Variants in PGAP3 observed in about 807,000 individuals in gnomAD.
PGAP3 encodes the protein GPI-specific phospholipase A2-like PGAP3.
In PGAP3, 31 loss-of-function variants were observed where a neutral mutation model predicts 40.3. The ratio of observed to expected loss-of-function variants is 0.77; its 90% CI spans 0.58 to 1.04. PGAP3 has a LOEUF of 1.04. Ranked by LOEUF, PGAP3 falls within the 50% of genes least tolerant of loss-of-function variation. The pLI is 0.00. For synonymous variants in PGAP3, 191 were observed against 184.5 expected (o/e 1.04, Z -0.29); for missense variants, 413 against 423.0 (o/e 0.98, Z 0.21).
intron 2 of PGAP3, among the ~76,000 whole-genome samples, chr17:39,685,220 G>A (rs957344804): frequency 4.0e-5 from 6 of 151,674 alleles, no homozygotes; most frequent in Admixed American, 6.6e-5. Context: ...GCTCACGCCT[G>A]TAATCCCAGC....
intron 2 of PGAP3, 171 bp from the exon 3 acceptor site, chr17:39,684,920 T>C: frequency 5.3e-6 from 4 of 754,924 alleles, no homozygotes; most frequent in Non-Finnish European, 8.2e-6. Context: ...CACCCTCCAG[T>C]GCCTAGTTAA....
rs776488270 is a variant in PGAP3 at position 39,687,878 on chromosome 17, A to C, written c.137T>G (p.Leu46Arg). ...TGGCTGGCGGGAGCGGAAGTGATTC[A>C]GAGCGCCCCCAGAGCAGTTCTGCTC... ...CEEQNCSGGA[L>R]NHFRSRQPIY... The change falls in exon 1 of 8, where the codon CTG becomes CGG. Residue 46 changes from leucine (L) to arginine (R), a missense_variant. Physicochemically the swap from Leu to Arg is moderately radical, Grantham distance 102 (BLOSUM62 -2). Coordinates refer to ENST00000300658, the MANE Select transcript of PGAP3 (RefSeq NM_033419.5). The C allele has an allele frequency of 3.3e-6, 5 of 1,503,934 alleles. No homozygotes were observed. The East Asian group carries it at 1.3e-4, about 40-fold the overall frequency. The allele number at this position is 1,503,934 out of a possible 1,614,324, so 93.2% of individuals were successfully genotyped here.
Position 39,687,815 on chromosome 17 carries a change from C to T in PGAP3, c.181+19G>A, listed in dbSNP as rs367611030. The T allele has an allele frequency of 3.7e-5, 51 of 1,382,040 alleles. No individual in the cohort carries two copies. The highest frequency in any genetic ancestry group is 4.6e-5 in the Non-Finnish European group (48 of 1,050,010). 85.6% of individuals were successfully genotyped at this position (1,382,040 alleles called of 1,614,324 possible). A position where few individuals can be genotyped will look rare whatever the true frequency, so the allele number is the denominator to read the frequency against. On this transcript the variant is annotated intron_variant, in intron 1 of 7. Coordinates refer to ENST00000300658, the MANE Select transcript of PGAP3 (RefSeq NM_033419.5). Reference sequence around the variant, plus strand: ...GAGCAAGACAAATGGGCGGGGCTTACCGTGGGGGTGGGGCTTACCTGCTAG... The same window carrying T: ...GAGCAAGACAAATGGGCGGGGCTTATCGTGGGGGTGGGGCTTACCTGCTAG...
At position 39,673,724 on chromosome 17, in the gene PGAP3, C is replaced by A. The variant is rs1297982702; in HGVS notation, c.558-74G>T. Reference sequence around the variant, plus strand: ...AGCAGCATTCCCTGAAGCATCTCCTCCCCCCAACATTGGTGCATGGCCCCT... The same window carrying A: ...AGCAGCATTCCCTGAAGCATCTCCTACCCCCAACATTGGTGCATGGCCCCT... On this transcript the variant is annotated intron_variant, in intron 5 of 7. Transcript: ENST00000300658. 5 of 1,578,002 alleles carry A rather than the reference C, an allele frequency of 3.2e-6. No individual in the cohort carries two copies. The Admixed American group carries it at 8.5e-5, about 27-fold the overall frequency.
chr17:39,673,463 G>A (rs889080859), intron 6 of PGAP3, 51 bp downstream of exon 6: 12 of 1,609,330 alleles, frequency 7.5e-6, no homozygotes, highest in African/African-American at 2.7e-5. Flanking sequence ...CCTCCCACTC[G>A]CACCCCAAGC....
intron 2 of PGAP3, 75 bp from the exon 3 acceptor site, chr17:39,684,824 T>G: frequency 1.4e-6 from 2 of 1,456,766 alleles, no homozygotes; most frequent in Non-Finnish European, 9.1e-7. Flanking sequence ...ATTCTTGACA[T>G]GCTGAAGCAA....
rs183208638 is a variant in PGAP3 at position 39,672,244 on chromosome 17, G to A, written c.*559C>T. On this transcript the variant is annotated 3_prime_UTR_variant, in exon 8 of 8. Transcript: ENST00000300658. The stretch of plus-strand genomic sequence containing the variant: ...CTCCTGGGAACCTGGCTAGGGCAAT[G>A]GTCAGGGTGAAACTCCTTCCCAATC... 3.0e-3 allele frequency: 467 copies of A among 156,970 alleles called. No homozygotes were observed. The highest frequency in any genetic ancestry group is 4.8e-3 in the Non-Finnish European group (341 of 70,814). 9.7% of individuals were successfully genotyped at this position (156,970 alleles called of 1,614,324 possible).
At chr17:39,673,314 C>T (rs1230011701) in intron 6 of PGAP3, 59 bp from the exon 7 acceptor site, 6 of 1,557,998 alleles carry the variant, frequency 3.9e-6, no homozygotes, top group East Asian at 4.8e-5. Context: ...CCCAAGGCCA[C>T]CCCCAACTCC....
intron 3 of PGAP3, among the ~76,000 whole-genome samples, chr17:39,683,683 C>T (rs945965465): frequency 2.0e-5 from 3 of 152,204 alleles, no homozygotes; most frequent in Non-Finnish European, 2.9e-5. Context: ...AAGGCCGTCA[C>T]GGTCCATATC....
chr17:39,683,287 G>C (rs1292070078), intron 3 of PGAP3, among the ~76,000 whole-genome samples: 1 of 151,922 alleles, frequency 6.6e-6, no homozygotes, highest in Non-Finnish European at 1.5e-5. Flanking sequence ...CTTCTCTTTA[G>C]AAGCCTTCCC....
chr17:39,678,198 T>C (rs2057398562), intron 3 of PGAP3, among the ~76,000 whole-genome samples: 1 of 152,230 alleles, frequency 6.6e-6, no homozygotes, highest in Admixed American at 6.5e-5. Context: ...ACCATCATTC[T>C]ACTACAGCTG....
chr17:39,684,534 G>A, intron 3 of PGAP3, 63 bp downstream of exon 3: 1 of 1,515,860 alleles, frequency 6.6e-7, no homozygotes, highest in South Asian at 1.3e-5. Context: ...GGTGTTAATA[G>A]GGATGTAGAG....
Position 39,687,866 on chromosome 17 carries a change from C to T in PGAP3, c.149G>A (p.Arg50His), listed in dbSNP as rs948967286. ...NCSGGALNHF[R>H]SRQPIYMSLA... ...ACTCATGTAGATTGGCTGGCGGGAGCGGAAGTGATTCAGAGCGCCCCCAGA... is the reference window on the plus strand; with the variant it reads ...ACTCATGTAGATTGGCTGGCGGGAGTGGAAGTGATTCAGAGCGCCCCCAGA... Residue 50 changes from arginine (R) to histidine (H), a missense_variant, in exon 1 of 8, where the codon CGC (arginine) becomes CAC (histidine). Coordinates refer to ENST00000300658, the MANE Select transcript of PGAP3 (RefSeq NM_033419.5). 2 of 1,496,656 alleles carry T rather than the reference C, an allele frequency of 1.3e-6. No homozygotes were observed. The highest frequency in any genetic ancestry group is 1.3e-5 in the South Asian group (1 of 79,180). 92.7% of individuals were successfully genotyped at this position (1,496,656 alleles called of 1,614,324 possible).
intron 3 of PGAP3, among the ~76,000 whole-genome samples, chr17:39,682,529 T>C (rs2057455692): frequency 6.6e-6 from 1 of 152,318 alleles, no homozygotes; most frequent in Non-Finnish European, 1.5e-5. Flanking sequence ...GAGCTATGTA[T>C]GTATTTGTTA....
intron 3 of PGAP3, among the ~76,000 whole-genome samples, chr17:39,675,128 TG>T: frequency 6.7e-6 from 1 of 150,100 alleles, no homozygotes; most frequent in Admixed American, 6.6e-5. Flanking sequence ...CGAGCCAGCT[TG>T]GGGTGTGTTC....
intron 3 of PGAP3, among the ~76,000 whole-genome samples, chr17:39,678,288 T>C (rs12150298): frequency 0.58 from 88,759 of 152,020 alleles, 26,903 homozygotes; most frequent in South Asian, 0.7. Context: ...TCTACAGAGA[T>C]GGTTTGGGCT....
At chr17:39,686,482 C>T (rs1348761986) in intron 1 of PGAP3, among the ~76,000 whole-genome samples, 2 of 151,768 alleles carry the variant, frequency 1.3e-5, no homozygotes, top group Non-Finnish European at 2.9e-5. Flanking sequence ...TCTTGAACTC[C>T]CAACCTCAGG....
intron 3 of PGAP3, among the ~76,000 whole-genome samples, chr17:39,677,814 T>C (rs1438324368): frequency 1.3e-5 from 2 of 152,196 alleles, no homozygotes; most frequent in Non-Finnish European, 2.9e-5. Context: ...GTGAAACTGG[T>C]TGGATGCCAA....
chr17:39,685,563 G>A (rs2057500389), intron 2 of PGAP3, among the ~76,000 whole-genome samples: 1 of 151,998 alleles, frequency 6.6e-6, no homozygotes, highest in Non-Finnish European at 1.5e-5. Context: ...TAGACAAGCT[G>A]AAGCATATTA....
Sources: gnomAD v4.1 joint callset for allele counts (sites outside exome capture counted in the v4.1 genomes callset) on GRCh38, gnomAD v4.1.1 for gene constraint, MANE v1.5 for transcripts, NCBI Gene and HGNC (gene_info 2026-07-23, HGNC 2026-07-21) for gene names.